Variants in CDH12 observed in about 807,000 individuals in gnomAD.
The protein encoded by CDH12 is cadherin 12, also known as cadherin-12.
CDH12 carries 41 observed loss-of-function variants against 74.1 expected under a neutral mutation model. The ratio of observed to expected loss-of-function variants is 0.55; its 90% CI spans 0.43 to 0.72. The LOEUF (loss-of-function observed/expected upper bound fraction) is 0.72. CDH12 is among the 30% of genes least tolerant of loss of function. The probability of loss-of-function intolerance (pLI) is 0.00; values close to 1 mark genes in which losing one functional copy is unlikely to be tolerated. For missense variants in CDH12, 945 were observed against 977.2 expected, an observed-to-expected ratio of 0.97 and a Z score of 0.44; for synonymous variants, 399 against 355.0, an observed-to-expected ratio of 1.12 and a Z score of -1.39.
chr5:21,996,105 G>GTTT (rs61516659), intron 5 of CDH12, among the ~76,000 whole-genome samples: 36 of 113,542 alleles, frequency 3.2e-4, no homozygotes, highest in African/African-American at 7.0e-4. Flanking sequence ...TCACACACAC[G>GTTT]TTTTTTTTTT....
chr5:21,792,501 C>A (rs1746553301), intron 10 of CDH12, among the ~76,000 whole-genome samples: 1 of 151,314 alleles, frequency 6.6e-6, no homozygotes, highest in Non-Finnish European at 1.5e-5. Flanking sequence ...TAAAATAGAT[C>A]TCTAAAGAAG....
chr5:22,465,033 GA>G (rs1427995006), intron 2 of CDH12, among the ~76,000 whole-genome samples: 11 of 129,480 alleles, frequency 8.5e-5, no homozygotes, highest in African/African-American at 2.6e-4. Context: ...AGGAAGAAGG[GA>G]GGGGGGGAAG....
chr5:22,785,786 G>A (rs1237268961), intron 1 of CDH12, among the ~76,000 whole-genome samples: 3 of 151,982 alleles, frequency 2.0e-5, no homozygotes, highest in Non-Finnish European at 4.4e-5. Flanking sequence ...CCAAAGTTCT[G>A]GGATTACAGT....
chr5:22,018,527 G>A lies in CDH12; in HGVS notation c.232-43142C>T, dbSNP rs1309782116. ...TATTTTTTGAGTGGATGAATGAATG[G>A]GCAAATGCACAAGAACATGCACAAA... is the stretch of plus-strand genomic sequence containing the variant. On this transcript the variant is annotated intron_variant, in intron 5 of 14. Transcript: ENST00000382254. Among the ~76,000 whole-genome samples the A allele has an allele frequency of 2.0e-5, 3 of 152,124 alleles. No homozygotes were observed. In the East Asian group the frequency reaches 5.8e-4, roughly 29 times the overall value.
At chr5:22,410,995 T>C (rs1009344606) in intron 2 of CDH12, among the ~76,000 whole-genome samples, 4 of 152,044 alleles carry the variant, frequency 2.6e-5, no homozygotes, top group Non-Finnish European at 2.9e-5. Context: ...ATGGAAAAGA[T>C]GGAATTTAGA....
chr5:22,220,211 T>C (rs1003980447), intron 3 of CDH12, among the ~76,000 whole-genome samples: 3 of 151,824 alleles, frequency 2.0e-5, no homozygotes, highest in Non-Finnish European at 4.4e-5. Context: ...CAAGTGTTTG[T>C]ACATGCGTAT....
chr5:22,506,877 C>T (rs1364756118), intron 1 of CDH12, among the ~76,000 whole-genome samples: 2 of 152,030 alleles, frequency 1.3e-5, no homozygotes, highest in Non-Finnish European at 2.9e-5. Context: ...AGGCTGATAC[C>T]TTCAACTTCC....
At chr5:21,966,487 A>G (rs1369410616) in intron 6 of CDH12, among the ~76,000 whole-genome samples, 1 of 152,132 alleles carries the variant, frequency 6.6e-6, no homozygotes, top group African/African-American at 2.4e-5. Context: ...CCCCTGCAGG[A>G]GGCCTTTGGA....
At chr5:22,255,041 C>T (rs1753265320) in intron 3 of CDH12, among the ~76,000 whole-genome samples, 1 of 151,862 alleles carries the variant, frequency 6.6e-6, no homozygotes, top group Non-Finnish European at 1.5e-5. Flanking sequence ...TGCACCCTTT[C>T]CACTACTTTT....
chr5:22,419,780 A>T (rs1169670651), intron 2 of CDH12, among the ~76,000 whole-genome samples: 1 of 152,300 alleles, frequency 6.6e-6, no homozygotes, highest in Middle Eastern at 3.4e-3. Flanking sequence ...CTGTAAAAGC[A>T]TTCCTATTTC....
At chr5:22,378,262 T>C (rs564660599) in intron 3 of CDH12, among the ~76,000 whole-genome samples, 3 of 152,194 alleles carry the variant, frequency 2.0e-5, no homozygotes, top group African/African-American at 7.2e-5. Flanking sequence ...ACTGAAGGAC[T>C]TTTTCCTCAT....
At chr5:22,740,260 A>C (rs147064328) in intron 1 of CDH12, among the ~76,000 whole-genome samples, 1 of 152,162 alleles carries the variant, frequency 6.6e-6, no homozygotes, top group Non-Finnish European at 1.5e-5. Flanking sequence ...CATAACGTGG[A>C]TCTTACTAGC....
chr5:22,624,437 A>G (rs1364708286), intron 1 of CDH12, among the ~76,000 whole-genome samples: 5 of 152,208 alleles, frequency 3.3e-5, no homozygotes, highest in Admixed American at 6.5e-5. Flanking sequence ...TCCAGAATCT[A>G]CAAAGAACTC....
chr5:22,831,345 T>G, intron 1 of CDH12, among the ~76,000 whole-genome samples: 1 of 130,236 alleles, frequency 7.7e-6, no homozygotes, highest in East Asian at 2.3e-4. Context: ...GTAGGGGTTT[T>G]GGAGTTTGTG....
intron 1 of CDH12, among the ~76,000 whole-genome samples, chr5:22,658,379 T>A (rs1740169211): frequency 6.6e-6 from 1 of 152,280 alleles, no homozygotes; most frequent in Non-Finnish European, 1.5e-5. Flanking sequence ...TCTGCATACA[T>A]AATTTTAGTT....
At chr5:22,654,194 TTTC>T (rs1431355610) in intron 1 of CDH12, among the ~76,000 whole-genome samples, 8 of 151,278 alleles carry the variant, frequency 5.3e-5, no homozygotes, top group South Asian at 2.1e-4. Flanking sequence ...TCTTTCTTTC[TTTC>T]TTTTCTTTCT....
chr5:22,536,374 T>C (rs1447639926), intron 1 of CDH12, among the ~76,000 whole-genome samples: 1 of 152,188 alleles, frequency 6.6e-6, no homozygotes, highest in Admixed American at 6.5e-5. Flanking sequence ...AAATGTAGCA[T>C]GTGCTCCATA....
intron 1 of CDH12, among the ~76,000 whole-genome samples, chr5:22,695,711 G>A (rs1742324480): frequency 6.6e-6 from 1 of 151,802 alleles, no homozygotes; most frequent in African/African-American, 2.4e-5. Context: ...AATTGAAATT[G>A]CTTGGAATTT....
intron 1 of CDH12, among the ~76,000 whole-genome samples, chr5:22,606,436 T>C (rs1258949689): frequency 6.6e-6 from 1 of 152,154 alleles, no homozygotes; most frequent in African/African-American, 2.4e-5. Context: ...AAGGGGATTA[T>C]CCTAGTGGAG....
Sources: gnomAD v4.1 joint callset for allele counts (sites outside exome capture counted in the v4.1 genomes callset) on GRCh38, gnomAD v4.1.1 for gene constraint, MANE v1.5 for transcripts, NCBI Gene and HGNC (gene_info 2026-07-23, HGNC 2026-07-21) for gene names.